The following ITPR2 variants were observed in gnomAD, a reference collection of about 807,000 sequenced individuals.
The protein encoded by ITPR2 is inositol 1,4,5-trisphosphate-gated calcium channel ITPR2.
Under a neutral mutation model 317.1 loss-of-function variants are expected in ITPR2, and 207 were observed. That is an observed-to-expected ratio of 0.65 (90% confidence interval 0.58 to 0.73). The LOEUF is 0.73. Among genes scored for constraint, ITPR2 ranks in the 30% least tolerant of loss-of-function variants. The probability of loss-of-function intolerance (pLI) is 0.00; values close to 1 mark genes in which losing one functional copy is unlikely to be tolerated. For synonymous variants in ITPR2, 1,156 were observed against 1,149.1 expected (o/e 1.01, Z -0.12); for missense variants, 2,613 against 3,284.0 (o/e 0.80, Z 4.99).
At chr12:26,722,858 G>A (rs1376804380) in intron 4 of ITPR2, among the ~76,000 whole-genome samples, 1 of 152,112 alleles carries the variant, frequency 6.6e-6, no homozygotes, top group East Asian at 1.9e-4. Flanking sequence ...GTTTTCCAAA[G>A]GAGACCTTGA....
At chr12:26,508,768 G>A (rs1421381969) in intron 37 of ITPR2, among the ~76,000 whole-genome samples, 1 of 152,210 alleles carries the variant, frequency 6.6e-6, no homozygotes, top group Non-Finnish European at 1.5e-5. Flanking sequence ...ACACATGTTG[G>A]TGAGGATGTG....
At chr12:26,572,309 A>C (rs1376376764) in intron 34 of ITPR2, among the ~76,000 whole-genome samples, 1 of 152,182 alleles carries the variant, frequency 6.6e-6, no homozygotes, top group Non-Finnish European at 1.5e-5. Flanking sequence ...GAAGTCATTC[A>C]TGCTAAGTGC....
At chr12:26,775,714 G>A (rs964083018) in intron 2 of ITPR2, among the ~76,000 whole-genome samples, 2 of 151,948 alleles carry the variant, frequency 1.3e-5, no homozygotes, top group Non-Finnish European at 2.9e-5. Context: ...AGCACAGCTA[G>A]AATATAAAGC....
At chr12:26,361,164 G>A (rs906959357) in intron 55 of ITPR2, among the ~76,000 whole-genome samples, 9 of 150,150 alleles carry the variant, frequency 6.0e-5, no homozygotes, top group South Asian at 4.2e-4. Context: ...GCAGTGAGCC[G>A]AGATGGCACC....
intron 2 of ITPR2, among the ~76,000 whole-genome samples, chr12:26,729,783 A>G (rs1948996547): frequency 1.3e-5 from 2 of 152,066 alleles, no homozygotes; most frequent in Admixed American, 1.3e-4. Context: ...ATAGAGGGGA[A>G]CAACACACAC....
intron 29 of ITPR2, 119 bp downstream of exon 29, chr12:26,599,868 T>C: frequency 2.7e-6 from 2 of 742,576 alleles, no homozygotes; most frequent in Non-Finnish European, 4.3e-6. Context: ...GGAGAGAGAA[T>C]TTCCACAAGG....
intron 21 of ITPR2, among the ~76,000 whole-genome samples, chr12:26,652,900 T>G (rs1358208009): frequency 6.6e-6 from 1 of 152,208 alleles, no homozygotes; most frequent in African/African-American, 2.4e-5. Context: ...ATCAGGGTGT[T>G]TTTAGGGTAT....
intron 2 of ITPR2, among the ~76,000 whole-genome samples, chr12:26,771,857 C>T (rs1949849310): frequency 6.6e-6 from 1 of 152,050 alleles, no homozygotes; most frequent in South Asian, 2.1e-4. Flanking sequence ...TGTCACAGCA[C>T]TTTATCTAAT....
chr12:26,552,539 T>C (rs756202357), intron 36 of ITPR2, among the ~76,000 whole-genome samples: 4 of 152,088 alleles, frequency 2.6e-5, no homozygotes, highest in African/African-American at 9.7e-5. Context: ...AAACACACAA[T>C]GAAAGTAACA....
intron 5 of ITPR2, among the ~76,000 whole-genome samples, chr12:26,718,666 G>T (rs1200969656): frequency 6.6e-6 from 1 of 151,874 alleles, no homozygotes; most frequent in African/African-American, 2.4e-5. Flanking sequence ...CTGGAGTACA[G>T]TGGCACAATC....
At chr12:26,674,353 G>A (rs1947858856) in intron 13 of ITPR2, among the ~76,000 whole-genome samples, 1 of 152,102 alleles carries the variant, frequency 6.6e-6, no homozygotes, top group Admixed American at 6.5e-5. Context: ...CAGAGATATA[G>A]ACCAATGGAA....
At chr12:26,384,727 G>A (rs1033916506) in intron 55 of ITPR2, among the ~76,000 whole-genome samples, 48 of 152,238 alleles carry the variant, frequency 3.2e-4, no homozygotes, top group African/African-American at 1.2e-3. Context: ...TCTTCTTTCT[G>A]GCCTCTTTGC....
At chr12:26,637,110 G>A (rs1049760299) in intron 21 of ITPR2, among the ~76,000 whole-genome samples, 2 of 152,126 alleles carry the variant, frequency 1.3e-5, no homozygotes, top group Non-Finnish European at 2.9e-5. Context: ...TACATATCAT[G>A]TGCCACATAC....
intron 18 of ITPR2, 80 bp from the exon 19 acceptor site, chr12:26,656,628 G>A (rs1947374090): frequency 1.4e-6 from 2 of 1,403,344 alleles, no homozygotes; most frequent in Non-Finnish European, 9.9e-7. Context: ...CAGTATCTAT[G>A]TTTAAGACAC....
At chr12:26,722,915 A>G (rs1948861009) in intron 4 of ITPR2, among the ~76,000 whole-genome samples, 1 of 152,132 alleles carries the variant, frequency 6.6e-6, no homozygotes, top group Non-Finnish European at 1.5e-5. Flanking sequence ...TAGCCACAAA[A>G]ACAGAATATA....
At chr12:26,638,261 A>G (rs1946906727) in intron 21 of ITPR2, among the ~76,000 whole-genome samples, 1 of 152,242 alleles carries the variant, frequency 6.6e-6, no homozygotes, top group South Asian at 2.1e-4. Flanking sequence ...TTCAATGATT[A>G]ATAGTTGGTA....
At chr12:26,604,620 A>T (rs1166243930) in intron 26 of ITPR2, among the ~76,000 whole-genome samples, 1 of 152,234 alleles carries the variant, frequency 6.6e-6, no homozygotes, top group African/African-American at 2.4e-5. Flanking sequence ...AAAGTAAAAG[A>T]TCAAAACACT....
At chr12:26,784,256 TCTC>T (rs1308411185) in intron 2 of ITPR2, among the ~76,000 whole-genome samples, 3 of 4,898 alleles carry the variant, frequency 6.1e-4, no homozygotes, top group African/African-American at 2.3e-3. Context: ...AAATGGAGAA[TCTC>T]CCTCTCCCTC....
In ITPR2 at chr12:26,336,815, T is replaced by G. The variant is rs541595999; in HGVS notation, c.*2582A>C. On this transcript the variant is annotated 3_prime_UTR_variant, in exon 57 of 57. Transcript: ENST00000381340. ...ACTATATAAATACAAGGATGTTAAC[T>G]GATACTCACCTAAGTCAAATATTCC... 12 of 152,286 alleles carry G rather than the reference T, an allele frequency of 7.9e-5. No homozygotes were observed. Among genetic ancestry groups the G allele is most frequent in the African/African-American group, 2.9e-4 (12 of 41,568 alleles). 9.4% of individuals were successfully genotyped at this position (152,286 alleles called of 1,614,324 possible).
Sources: allele counts gnomAD v4.1 joint callset (sites outside exome capture counted in the v4.1 genomes callset), GRCh38; gene constraint gnomAD v4.1.1; transcripts MANE v1.5; gene names NCBI Gene and HGNC (gene_info 2026-07-23, HGNC 2026-07-21).